Variants in RSRC1 observed in about 807,000 individuals in gnomAD.
RSRC1 encodes arginine and serine rich coiled-coil 1, also known as serine/Arginine-related protein 53.
Under a neutral mutation model 49.1 loss-of-function variants are expected in RSRC1, and 39 were observed. The observed-to-expected ratio is 0.79, with a 90% CI of 0.61 to 1.04. The LOEUF (loss-of-function observed/expected upper bound fraction) is 1.04. Ranked by LOEUF, RSRC1 falls within the 50% of genes least tolerant of loss-of-function variation. RSRC1 has a pLI of 0.00. For synonymous variants in RSRC1, 143 were observed against 130.8 expected (o/e 1.09, Z -0.63); for missense variants, 388 against 402.4 (o/e 0.96, Z 0.31).
rs139354874 is a variant in RSRC1 at position 158,117,881 on chromosome 3, TTTTCTTTCTTTCTTTC to T, written c.-2-4206_-2-4191del. Among the ~76,000 whole-genome samples, 55 of 150,480 alleles carry T rather than the reference TTTTCTTTCTTTCTTTC, an allele frequency of 3.7e-4. 1 individual carries two copies. Among genetic ancestry groups the T allele is most frequent in the African/African-American group, 1.2e-3 (49 of 40,500 alleles). ...TTCTGTTTGTAAAATGTCTGTCTCT[TTTTCTTTCTTTCTTTC>T]TTTCTTTCTTTCTTTTTTTGAGTCC... On this transcript the variant is annotated intron_variant, in intron 1 of 9. Coordinates refer to ENST00000611884, the MANE Select transcript of RSRC1 (RefSeq NM_001271838.2).
intron 3 of RSRC1, among the ~76,000 whole-genome samples, chr3:158,179,329 C>T (rs746061639): frequency 2.6e-5 from 4 of 152,190 alleles, no homozygotes; most frequent in Non-Finnish European, 4.4e-5. Flanking sequence ...ATTGATACAG[C>T]TAAGATAGAG....
intron 4 of RSRC1, among the ~76,000 whole-genome samples, chr3:158,216,141 G>A (rs542844657): frequency 2.6e-5 from 4 of 151,360 alleles, no homozygotes; most frequent in Admixed American, 6.6e-5. Context: ...AAGTAATTGC[G>A]ATTTTGCCAT....
intron 7 of RSRC1, among the ~76,000 whole-genome samples, chr3:158,473,407 G>GC (rs1560057843): frequency 6.6e-6 from 1 of 151,722 alleles, no homozygotes; most frequent in African/African-American, 2.4e-5. Flanking sequence ...GCAAACTATC[G>GC]CAAGGACAAA....
At chr3:158,482,147 C>A (rs559281213) in intron 7 of RSRC1, among the ~76,000 whole-genome samples, 4 of 151,748 alleles carry the variant, frequency 2.6e-5, no homozygotes, top group Admixed American at 6.6e-5. Flanking sequence ...TTATTAAATT[C>A]TTTTTAATAG....
intron 6 of RSRC1, among the ~76,000 whole-genome samples, chr3:158,456,518 C>T (rs1241001921): frequency 6.6e-6 from 1 of 152,094 alleles, no homozygotes; most frequent in Non-Finnish European, 1.5e-5. Context: ...AGTATATGTT[C>T]TTCAGTGAAG....
chr3:158,449,588 G>A (rs1239402957), intron 6 of RSRC1, among the ~76,000 whole-genome samples: 1 of 151,728 alleles, frequency 6.6e-6, no homozygotes, highest in Non-Finnish European at 1.5e-5. Flanking sequence ...TGTGCAATAT[G>A]CTGTGAGTAA....
chr3:158,308,676 T>A (rs112930437), intron 5 of RSRC1, among the ~76,000 whole-genome samples: 7,049 of 152,048 alleles, frequency 0.046, 217 homozygotes, highest in Non-Finnish European at 0.07. Flanking sequence ...ATCTGAAAAC[T>A]GCTCAGTTAC....
intron 4 of RSRC1, among the ~76,000 whole-genome samples, chr3:158,207,965 A>G (rs1398009579): frequency 6.6e-6 from 1 of 152,166 alleles, no homozygotes. Flanking sequence ...TCGTCTTATA[A>G]TGTCATAAAT....
At chr3:158,209,321 G>T (rs1029998511) in intron 4 of RSRC1, among the ~76,000 whole-genome samples, 4 of 152,054 alleles carry the variant, frequency 2.6e-5, no homozygotes, top group African/African-American at 7.2e-5. Flanking sequence ...CCCCTCCTAC[G>T]TGCTCTTTGC....
chr3:158,141,293 C>T (rs1333255875), intron 3 of RSRC1, among the ~76,000 whole-genome samples: 3 of 152,124 alleles, frequency 2.0e-5, no homozygotes, highest in African/African-American at 2.4e-5. Context: ...TGATTCTTAA[C>T]CTTTCTTGGG....
intron 6 of RSRC1, among the ~76,000 whole-genome samples, chr3:158,405,273 G>T (rs1350897854): frequency 6.6e-6 from 1 of 151,580 alleles, no homozygotes; most frequent in Non-Finnish European, 1.5e-5. Context: ...ACACAAATGT[G>T]AATTTTAATT....
chr3:158,389,875 T>C (rs1361611018), intron 6 of RSRC1, among the ~76,000 whole-genome samples: 2 of 152,148 alleles, frequency 1.3e-5, no homozygotes, highest in Non-Finnish European at 2.9e-5. Context: ...CCTTTTTCAG[T>C]CTCCTCAACT....
rs897045405 is a variant in RSRC1 at position 158,110,134 on chromosome 3, C to T, written c.-92C>T. On this transcript the variant is annotated 5_prime_UTR_variant, in exon 1 of 10. In the 5' UTR this introduces an upstream ATG that the reference lacks. Transcript: ENST00000611884. ...CTTAAACTGAAGCAAGTTCGGTGGA[C>T]GCCGGCGGCGCCCTGATCTAAAGAA... is the stretch of plus-strand genomic sequence containing the variant. 1 of 152,230 alleles carries T rather than the reference C, an allele frequency of 6.6e-6. No homozygotes were observed. The allele number at this position is 152,230 out of a possible 1,614,324, so 9.4% of individuals were successfully genotyped here. A position where few individuals can be genotyped will look rare whatever the true frequency, so the allele number is the denominator to read the frequency against.
intron 7 of RSRC1, among the ~76,000 whole-genome samples, chr3:158,531,557 C>T (rs1403745510): frequency 6.6e-6 from 1 of 151,874 alleles, no homozygotes; most frequent in Admixed American, 6.6e-5. Flanking sequence ...ACTTCAGGAG[C>T]CTCGTCCGCA....
At chr3:158,124,370 T>C (rs541578019) in intron 3 of RSRC1, among the ~76,000 whole-genome samples, 2 of 152,254 alleles carry the variant, frequency 1.3e-5, no homozygotes, top group Non-Finnish European at 2.9e-5. Flanking sequence ...CAGGGACTTA[T>C]GGCTTGCAGT....
chr3:158,286,899 T>G (rs1403116176), intron 4 of RSRC1, among the ~76,000 whole-genome samples: 1 of 152,238 alleles, frequency 6.6e-6, no homozygotes, highest in Non-Finnish European at 1.5e-5. Flanking sequence ...CGATCTCAGC[T>G]CACTGCAACC....
At position 158,511,951 on chromosome 3, in the gene RSRC1, C is replaced by T. The variant is rs532027465; in HGVS notation, c.653-25141C>T. On this transcript the variant is annotated intron_variant, in intron 7 of 9. Transcript: ENST00000611884. ...GAGAAGTGTCTGTTCATGTCCTTCG[C>T]CCACTTTTTGATGGGGTTGTTTTTT... 2.4e-4 allele frequency among the ~76,000 whole-genome samples: 37 copies of T among 151,754 alleles called. No individual in the cohort carries two copies. In the East Asian group the frequency reaches 6.0e-3, roughly 25 times the overall value.
chr3:158,125,931 T>C (rs1439663874), intron 3 of RSRC1, among the ~76,000 whole-genome samples: 2 of 152,144 alleles, frequency 1.3e-5, no homozygotes, highest in African/African-American at 4.8e-5. Flanking sequence ...TCCAGAATAA[T>C]GACCCATTTA....
chr3:158,336,146 A>G (rs1729871723), intron 5 of RSRC1, among the ~76,000 whole-genome samples: 1 of 152,244 alleles, frequency 6.6e-6, no homozygotes, highest in African/African-American at 2.4e-5. Context: ...CTAGGCAATG[A>G]GGAAGATGCT....
Sources: allele counts gnomAD v4.1 joint callset (sites outside exome capture counted in the v4.1 genomes callset), GRCh38; gene constraint gnomAD v4.1.1; transcripts MANE v1.5; gene names NCBI Gene and HGNC (gene_info 2026-07-23, HGNC 2026-07-21).